Variants in ADGRV1 observed in about 807,000 individuals in gnomAD.
ADGRV1 encodes the protein G-protein coupled receptor 98.
Under a neutral mutation model 596.2 loss-of-function variants are expected in ADGRV1, and 359 were observed. That is an observed-to-expected ratio of 0.60 (90% CI 0.55 to 0.66). The LOEUF (loss-of-function observed/expected upper bound fraction) is 0.66. ADGRV1 is among the 30% of genes least tolerant of loss of function. The pLI is 0.00. For missense variants in ADGRV1, 7,274 were observed against 7,575.6 expected, an observed-to-expected ratio of 0.96 and a Z score of 1.48; for synonymous variants, 2,681 against 2,679.2, an observed-to-expected ratio of 1.00 and a Z score of -0.02.
intron 85 of ADGRV1, among the ~76,000 whole-genome samples, chr5:91,023,695 G>A (rs1005523505): frequency 1.3e-5 from 2 of 152,066 alleles, no homozygotes; most frequent in African/African-American, 4.8e-5. Context: ...AGGGAACTCA[G>A]GGTCCTAGCA....
chr5:90,743,166 C>A (rs1754176925), intron 50 of ADGRV1, among the ~76,000 whole-genome samples: 1 of 151,934 alleles, frequency 6.6e-6, no homozygotes, highest in African/African-American at 2.4e-5. Context: ...GTTGAGATGC[C>A]CCTGAATTAA....
chr5:91,062,667 C>G (rs562809081), intron 85 of ADGRV1, among the ~76,000 whole-genome samples: 1 of 152,280 alleles, frequency 6.6e-6, no homozygotes, highest in East Asian at 1.9e-4. Flanking sequence ...ACTGCTAGCT[C>G]TCCTTTTCTG....
rs1478441139 is a variant in ADGRV1 at position 90,573,565 on chromosome 5, TA to T, written c.22+14653del. Among the ~76,000 whole-genome samples the T allele has an allele frequency of 6.4e-4, 98 of 152,250 alleles. 2 individuals carry two copies. The highest frequency in any genetic ancestry group is 6.4e-3 in the Admixed American group (98 of 15,284). On this transcript the variant is annotated intron_variant, in intron 1 of 89. Coordinates refer to ENST00000405460, the MANE Select transcript of ADGRV1 (RefSeq NM_032119.4). ...ATACCTAAACCTAGAAAAGGTGTAGTAAAAATACAATATTATAACCTTATGG... is the reference window on the plus strand; with the variant it reads ...ATACCTAAACCTAGAAAAGGTGTAGTAAAATACAATATTATAACCTTATGG...
rs527697043 is a variant in ADGRV1 at position 90,627,216 on chromosome 5, A to G, written c.678A>G (p.Pro226=). 13 of 1,516,602 alleles carry G rather than the reference A, an allele frequency of 8.6e-6. No homozygotes were observed. In the East Asian group the frequency reaches 3.0e-4, roughly 35 times the overall value. 93.9% of individuals were successfully genotyped at this position (1,516,602 alleles called of 1,614,324 possible). ...TGTTTATATTCCTTTAACAGGTACC[A>G]GAAAATGATGAAATATTTTTAATTC... The part of the protein sequence containing the change: ...YNLTVLDDEV[P]ENDEIFLIQL... Residue 226 remains proline (P), a synonymous_variant, in exon 7 of 90, where the codon CCA becomes CCG. Coordinates refer to ENST00000405460, the MANE Select transcript of ADGRV1 (RefSeq NM_032119.4).
intron 85 of ADGRV1, among the ~76,000 whole-genome samples, chr5:91,012,733 A>G (rs1782826400): frequency 6.6e-6 from 1 of 151,920 alleles, no homozygotes; most frequent in Non-Finnish European, 1.5e-5. Context: ...ATTCCTTTTT[A>G]AACTTTTATT....
rs1757987875 is a variant in ADGRV1, at chr5:90,774,256, C to T, written c.12356C>T (p.Thr4119Ile). The T allele has an allele frequency of 1.9e-6, 3 of 1,609,672 alleles. No individual in the cohort carries two copies. In the East Asian group the frequency reaches 6.7e-5, roughly 36 times the overall value. Residue 4119 changes from threonine (T) to isoleucine (I), a missense_variant, in exon 60 of 90, where the codon ACC becomes ATC. This residue lies in a region of ADGRV1 where 3,643 missense variants were observed against 3,809.2 expected (regional missense o/e 0.96). Coordinates refer to ENST00000405460, the MANE Select transcript of ADGRV1 (RefSeq NM_032119.4). ...GTGTTGGAGGAGGACAGGCGTTTCA[C>T]CATTCAGCTGATATCAATTGATGAG... ...DTVLEEDRRF[T>I]IQLISIDEVE...
Position 90,716,723 on chromosome 5 carries a change from A to T in ADGRV1, c.9441A>T (p.Arg3147=). The T allele has an allele frequency of 6.2e-7, 1 of 1,611,142 alleles. No homozygotes were observed. Among genetic ancestry groups the T allele is most frequent in the Non-Finnish European group, 8.5e-7 (1 of 1,177,644 alleles). The change falls in exon 43 of 90, where the codon CGA becomes CGT. Residue 3147 remains arginine (R), a synonymous_variant. Coordinates refer to ENST00000405460, the MANE Select transcript of ADGRV1 (RefSeq NM_032119.4). ...KGYIVLEEGV[R]FKALQISAIL... Reference sequence around the variant, plus strand: ...ATATTGTTTTAGAAGAAGGTGTTCGATTCAAGGTACAGTAAGAAGCTTTAA... The same window carrying T: ...ATATTGTTTTAGAAGAAGGTGTTCGTTTCAAGGTACAGTAAGAAGCTTTAA...
At chr5:91,010,695 T>C (rs1782652618) in intron 85 of ADGRV1, among the ~76,000 whole-genome samples, 1 of 152,052 alleles carries the variant, frequency 6.6e-6, no homozygotes, top group Admixed American at 6.6e-5. Context: ...CTGTAAATTT[T>C]CTATAAGTTA....
Position 90,564,625 on chromosome 5 carries a change from A to ATATATATTTTTTTTTT in ADGRV1, c.22+5709_22+5710insATATATTTTTTTTTTT, listed in dbSNP as rs1391157470. Among the ~76,000 whole-genome samples, 8 of 33,600 alleles carry ATATATATTTTTTTTTT rather than the reference A, an allele frequency of 2.4e-4. 1 individual carries two copies. The highest frequency in any genetic ancestry group is 1.6e-3 in the African/African-American group (7 of 4,266). The allele number at this position is 33,600 out of a possible 152,430, so 22.0% of individuals were successfully genotyped here. On this transcript the variant is annotated intron_variant, in intron 1 of 89. Coordinates refer to ENST00000405460, the MANE Select transcript of ADGRV1 (RefSeq NM_032119.4). ...TCCATGGCGTTTAATATATATATAT[A>ATATATATTTTTTTTTT]TTTTTTTTTTTTTTTTTTTGAGACG...
chr5:90,999,809 A>G (rs1781714014), intron 85 of ADGRV1, among the ~76,000 whole-genome samples: 2 of 152,156 alleles, frequency 1.3e-5, no homozygotes, highest in African/African-American at 4.8e-5. Flanking sequence ...GTTCTGTTGT[A>G]GATGTCTCTA....
chr5:90,634,846 G>C (rs1368886130), intron 9 of ADGRV1, among the ~76,000 whole-genome samples: 1 of 152,114 alleles, frequency 6.6e-6, no homozygotes, highest in Admixed American at 6.6e-5. Flanking sequence ...GAGAGATGCA[G>C]AGATTATTAA....
chr5:90,971,391 A>G (rs879088505), intron 84 of ADGRV1, among the ~76,000 whole-genome samples: 8 of 152,076 alleles, frequency 5.3e-5, no homozygotes, highest in Admixed American at 5.2e-4. Context: ...TCGAAGACAC[A>G]TAATTGTCAG....
chr5:90,745,937 A>G, intron 52 of ADGRV1, 142 bp downstream of exon 52: 1 of 592,880 alleles, frequency 1.7e-6, no homozygotes, highest in Non-Finnish European at 3.0e-6. Flanking sequence ...CCTCCCTTTT[A>G]TGTGCATTCT....
At chr5:91,096,609 A>C (rs575158558) in intron 86 of ADGRV1, among the ~76,000 whole-genome samples, 1 of 152,308 alleles carries the variant, frequency 6.6e-6, no homozygotes, top group South Asian at 2.1e-4. Context: ...TAAATTAAGT[A>C]CTGTGATGAT....
intron 21 of ADGRV1, among the ~76,000 whole-genome samples, chr5:90,666,133 C>G (rs1771326154): frequency 6.6e-6 from 1 of 150,592 alleles, no homozygotes; most frequent in South Asian, 2.1e-4. Flanking sequence ...ATTAGGTCCG[C>G]TTGGTGCAGA....
chr5:90,608,980 TA>T (rs1762425015), intron 1 of ADGRV1, among the ~76,000 whole-genome samples: 1 of 152,150 alleles, frequency 6.6e-6, no homozygotes, highest in East Asian at 1.9e-4. Context: ...TGATGAGAGA[TA>T]CAATGTTGAT....
intron 11 of ADGRV1, among the ~76,000 whole-genome samples, chr5:90,641,705 A>G (rs867260730): frequency 4.6e-5 from 7 of 152,148 alleles, no homozygotes; most frequent in Non-Finnish European, 1.0e-4. Flanking sequence ...ATTTCTACAT[A>G]TGAATTGTGG....
At chr5:90,861,304 A>AT (rs549384273) in intron 82 of ADGRV1, among the ~76,000 whole-genome samples, 2,294 of 146,518 alleles carry the variant, frequency 0.016, 44 homozygotes, top group African/African-American at 0.051. Flanking sequence ...TTATTTATCT[A>AT]TTTTTTTTTT....
At chr5:91,087,402 T>C (rs1421313333) in intron 86 of ADGRV1, among the ~76,000 whole-genome samples, 1 of 152,040 alleles carries the variant, frequency 6.6e-6, no homozygotes, top group African/African-American at 2.4e-5. Context: ...GTTCAAGCGA[T>C]TCTCCTGCCT....
Sources: gnomAD v4.1 joint callset for allele counts (sites outside exome capture counted in the v4.1 genomes callset) on GRCh38, gnomAD v4.1.1 for gene constraint, gnomAD v4.1.1 regional missense constraint, MANE v1.5 for transcripts, NCBI Gene and HGNC (gene_info 2026-07-23, HGNC 2026-07-21) for gene names.